SIM1: variants seen among roughly 807,000 people sequenced by gnomAD.
The protein encoded by SIM1 is single-minded homolog 1.
SIM1 carries 18 observed loss-of-function variants against 78.2 expected under a neutral mutation model. That is an observed-to-expected ratio of 0.23 (90% CI 0.16 to 0.34). The LOEUF is 0.34. Ranked by LOEUF, SIM1 falls within the 10% of genes least tolerant of loss-of-function variation. The probability of loss-of-function intolerance (pLI) is 1.00; values close to 1 mark genes in which losing one functional copy is unlikely to be tolerated. For missense variants in SIM1, 939 were observed against 975.1 expected, an observed-to-expected ratio of 0.96 and a Z score of 0.49; for synonymous variants, 417 against 385.2, an observed-to-expected ratio of 1.08 and a Z score of -0.97.
chr6:100,431,961 T>C (rs1274690515), intron 9 of SIM1, among the ~76,000 whole-genome samples: 1 of 152,070 alleles, frequency 6.6e-6, no homozygotes, highest in African/African-American at 2.4e-5. Flanking sequence ...CTTGACAACA[T>C]AGCAAGACCC....
At chr6:100,412,235 G>C (rs1033748844) in intron 10 of SIM1, among the ~76,000 whole-genome samples, 27 of 152,132 alleles carry the variant, frequency 1.8e-4, no homozygotes, top group African/African-American at 6.0e-4. Flanking sequence ...ATGGGTGAAA[G>C]CACAGAAAAT....
intron 10 of SIM1, among the ~76,000 whole-genome samples, chr6:100,407,360 T>C (rs1387078109): frequency 6.6e-6 from 1 of 152,130 alleles, no homozygotes; most frequent in African/African-American, 2.4e-5. Flanking sequence ...CACTCATTCA[T>C]CAATGAACAT....
Position 100,448,648 on chromosome 6 carries a change from G to T in SIM1, c.574C>A (p.Arg192Ser). The T allele has an allele frequency of 6.2e-7, 1 of 1,612,904 alleles. No individual in the cohort carries two copies. The highest frequency in any genetic ancestry group is 8.5e-7 in the Non-Finnish European group (1 of 1,179,986). ...VIHCSGYLKI[R>S]QYSLDMSPFD... ...GGGGACATGTCCAGGCTGTACTGGCGGATCTTCAAGTAGCCGCTGCAGTGG... is the reference window on the plus strand; with the variant it reads ...GGGGACATGTCCAGGCTGTACTGGCTGATCTTCAAGTAGCCGCTGCAGTGG... Residue 192 changes from arginine (R) to serine (S), a missense_variant, in exon 7 of 12, where the codon CGC becomes AGC. This residue lies in a region of SIM1 where 187 missense variants were observed against 191.6 expected (regional missense o/e 0.98). Transcript: ENST00000369208.
intron 9 of SIM1, among the ~76,000 whole-genome samples, chr6:100,425,065 G>C (rs1054919560): frequency 6.6e-6 from 1 of 152,106 alleles, no homozygotes; most frequent in Non-Finnish European, 1.5e-5. Context: ...TGAATCATGG[G>C]GGCCAGTCTT....
intron 9 of SIM1, among the ~76,000 whole-genome samples, chr6:100,425,761 G>C: frequency 6.6e-6 from 1 of 152,082 alleles, no homozygotes; most frequent in Non-Finnish European, 1.5e-5. Flanking sequence ...CTTTCATTTG[G>C]TGAGGCACTT....
In SIM1 at chr6:100,448,483, A is replaced by C; in HGVS notation, c.739T>G (p.Ser247Ala). 1.2e-6 allele frequency: 2 copies of C among 1,613,694 alleles called. No individual in the cohort carries two copies. The highest frequency in any genetic ancestry group is 1.7e-6 in the Non-Finnish European group (2 of 1,179,908). ...TTTCCGGCCCTGCCCACCCACCTGG[A>C]GTCCAGAAAGATGAGCTTCATGTCC... ...SLDMKLIFLD[S>A]RVAELTGYEP... Residue 247 changes from serine (S) to alanine (A), a missense_variant, in exon 7 of 12, where the codon TCC becomes GCC. Coordinates refer to ENST00000369208, the MANE Select transcript of SIM1 (RefSeq NM_005068.3).
At chr6:100,429,823 T>C (rs1771855750) in intron 9 of SIM1, among the ~76,000 whole-genome samples, 1 of 152,226 alleles carries the variant, frequency 6.6e-6, no homozygotes, top group Non-Finnish European at 1.5e-5. Context: ...AATTTCTTCT[T>C]TCTGTATATT....
intron 9 of SIM1, among the ~76,000 whole-genome samples, chr6:100,436,172 A>T (rs1772044152): frequency 6.6e-6 from 1 of 152,144 alleles, no homozygotes; most frequent in Non-Finnish European, 1.5e-5. Context: ...TCTAATTGTG[A>T]GTGGACGTAC....
intron 2 of SIM1, chr6:100,463,046 G>A (rs971662954): frequency 2.4e-6 from 1 of 417,708 alleles, no homozygotes; most frequent in African/African-American, 2.0e-5. Context: ...CTGTTGGGCT[G>A]CTTCCCAACC....
chr6:100,425,919 GA>G (rs1412221929), intron 9 of SIM1, among the ~76,000 whole-genome samples: 1 of 152,132 alleles, frequency 6.6e-6, no homozygotes, highest in Non-Finnish European at 1.5e-5. Context: ...TGACTTCTCT[GA>G]TTTTTCTAAA....
chr6:100,406,413 G>T (rs1303332373), intron 10 of SIM1, among the ~76,000 whole-genome samples: 1 of 152,152 alleles, frequency 6.6e-6, no homozygotes, highest in Non-Finnish European at 1.5e-5. Context: ...ACAAAGCATG[G>T]ACTGCCCAAG....
chr6:100,390,099 A>G lies in SIM1; in HGVS notation c.*262T>C, dbSNP rs896537517. ...ATATGCACACTTGATCTACATGAAT[A>G]TTTTTCAAGTCAAAATTTATCTATT... On this transcript the variant is annotated 3_prime_UTR_variant, in exon 12 of 12. Transcript: ENST00000369208. The G allele has an allele frequency of 2.0e-6, 1 of 511,632 alleles. No individual in the cohort carries two copies. The highest frequency in any genetic ancestry group is 3.4e-6 in the Non-Finnish European group (1 of 290,668). 31.7% of individuals were successfully genotyped at this position (511,632 alleles called of 1,614,324 possible).
intron 10 of SIM1, among the ~76,000 whole-genome samples, chr6:100,415,848 G>A (rs1359890690): frequency 6.6e-6 from 1 of 152,130 alleles, no homozygotes; most frequent in Non-Finnish European, 1.5e-5. Flanking sequence ...GACAGCTTGG[G>A]CACAGAGGGA....
At chr6:100,418,924 T>TG (rs779034676) in intron 10 of SIM1, among the ~76,000 whole-genome samples, 25 of 149,736 alleles carry the variant, frequency 1.7e-4, no homozygotes, top group Non-Finnish European at 3.5e-4. Flanking sequence ...TCCCAGACTT[T>TG]GGGAGGCTGA....
At chr6:100,450,696 T>TCTCACACACACACA (rs1421452803) in intron 3 of SIM1, among the ~76,000 whole-genome samples, 17 of 91,880 alleles carry the variant, frequency 1.9e-4, no homozygotes, top group African/African-American at 6.7e-4. Flanking sequence ...TCTCTCTCTC[T>TCTCACACACACACA]CACACACACA....
intron 9 of SIM1, among the ~76,000 whole-genome samples, chr6:100,422,774 A>G (rs543513896): frequency 6.6e-6 from 1 of 152,320 alleles, no homozygotes; most frequent in South Asian, 2.1e-4. Flanking sequence ...CAATGTATAC[A>G]TACATTGAAA....
chr6:100,455,266 T>C (rs1170464174), intron 2 of SIM1, among the ~76,000 whole-genome samples: 1 of 152,004 alleles, frequency 6.6e-6, no homozygotes, highest in Non-Finnish European at 1.5e-5. Context: ...ACACTGATGC[T>C]CCCCGCCCGC....
intron 9 of SIM1, among the ~76,000 whole-genome samples, chr6:100,446,282 GCA>G (rs1189623878): frequency 1.3e-5 from 2 of 152,086 alleles, no homozygotes; most frequent in Non-Finnish European, 2.9e-5. Flanking sequence ...ATTCCAAATA[GCA>G]CCCCTTCACC....
chr6:100,393,480 C>A lies in SIM1; in HGVS notation c.1570+7G>T. On this transcript the variant is annotated splice_region_variant and intron_variant, in intron 11 of 11. Transcript: ENST00000369208. ...TGGAGTTCGGGAACCCTTTCACCTG[C>A]TCTTACCATGGATCCTGTGGACTGA... 6.6e-7 allele frequency: 1 copy of A among 1,516,878 alleles called. No individual in the cohort carries two copies. The highest frequency in any genetic ancestry group is 8.8e-7 in the Non-Finnish European group (1 of 1,130,368). 94.0% of individuals were successfully genotyped at this position (1,516,878 alleles called of 1,614,324 possible). A position where few individuals can be genotyped will look rare whatever the true frequency, so the allele number is the denominator to read the frequency against.
Sources: gnomAD v4.1 joint callset for allele counts (sites outside exome capture counted in the v4.1 genomes callset) on GRCh38, gnomAD v4.1.1 for gene constraint, gnomAD v4.1.1 regional missense constraint, MANE v1.5 for transcripts, NCBI Gene and HGNC (gene_info 2026-07-23, HGNC 2026-07-21) for gene names.